OSCP1: variants seen among roughly 807,000 people sequenced by gnomAD.
OSCP1 encodes the protein protein OSCP1.
A neutral mutation model predicts 45.1 loss-of-function variants in OSCP1; 35 were observed. The observed-to-expected ratio is 0.78, with a 90% CI of 0.59 to 1.03. The LOEUF (loss-of-function observed/expected upper bound fraction) is 1.03, where lower values mean the gene tolerates loss of function less well. Ranked by LOEUF, OSCP1 falls within the 50% of genes least tolerant of loss-of-function variation. OSCP1 has a pLI of 0.00. For missense variants in OSCP1, 400 were observed against 470.7 expected (o/e 0.85, Z 1.39); for synonymous variants, 179 against 180.1 (o/e 0.99, Z 0.05).
chr1:36,430,164 T>A (rs574720579), intron 4 of OSCP1, among the ~76,000 whole-genome samples: 1 of 152,066 alleles, frequency 6.6e-6, no homozygotes, highest in Non-Finnish European at 1.5e-5. Flanking sequence ...TACCTCAGCC[T>A]CCCAAATATC....
intron 9 of OSCP1, 73 bp from the exon 10 acceptor site, chr1:36,418,328 C>T (rs1229446181): frequency 7.2e-7 from 1 of 1,397,880 alleles, no homozygotes; most frequent in Non-Finnish European, 1.0e-6. Context: ...GCACTAGGCA[C>T]TTAGTTTTTT....
At chr1:36,427,760 T>C (rs1035941226) in intron 4 of OSCP1, among the ~76,000 whole-genome samples, 1 of 152,220 alleles carries the variant, frequency 6.6e-6, no homozygotes, top group Admixed American at 6.5e-5. Context: ...TATTTCAAAA[T>C]TGTTATTTTA....
chr1:36,427,146 G>A (rs1444521256), intron 4 of OSCP1, among the ~76,000 whole-genome samples: 6 of 151,198 alleles, frequency 4.0e-5, no homozygotes, highest in Admixed American at 2.0e-4. Context: ...GATTACAGGC[G>A]CCCGCCACCA....
At position 36,422,664 on chromosome 1, in the gene OSCP1, C is replaced by T. The variant is rs16822947; in HGVS notation, c.749+104G>A. On this transcript the variant is annotated intron_variant, in intron 6 of 9. Transcript: ENST00000235532. ...CCTAAGGGGAAATTACTCCTATTGT[C>T]GGCAGGGATTTTCATAGCAGAAGTC... is the stretch of plus-strand genomic sequence containing the variant. 16,905 of 1,193,920 alleles carry T rather than the reference C, an allele frequency of 0.014. 1,563 individuals are homozygous for T. The East Asian group carries it at 0.25, about 18-fold the overall frequency. 74.0% of individuals were successfully genotyped at this position (1,193,920 alleles called of 1,614,324 possible).
At chr1:36,445,702 CATTTATTT>C (rs139675900) in intron 1 of OSCP1, among the ~76,000 whole-genome samples, 30 of 152,000 alleles carry the variant, frequency 2.0e-4, no homozygotes, top group African/African-American at 3.1e-4. Flanking sequence ...CTTTCTGTGG[CATTTATTT>C]ATTTATTTAT....
At chr1:36,428,395 C>T (rs757133553) in intron 4 of OSCP1, 3 of 1,614,070 alleles carry the variant, frequency 1.9e-6, no homozygotes, top group Non-Finnish European at 2.5e-6. Flanking sequence ...TTCTCCTGTC[C>T]TCCATATAGT....
chr1:36,434,487 C>T (rs954036840), intron 2 of OSCP1, among the ~76,000 whole-genome samples: 5 of 152,272 alleles, frequency 3.3e-5, no homozygotes, highest in African/African-American at 7.2e-5. Flanking sequence ...CAGTGGCTCA[C>T]GCCTGTTATC....
At chr1:36,441,616 A>G (rs1383801775) in intron 1 of OSCP1, among the ~76,000 whole-genome samples, 1 of 151,558 alleles carries the variant, frequency 6.6e-6, no homozygotes, top group Non-Finnish European at 1.5e-5. Context: ...GCCGGGCGTG[A>G]TGGCGGGCGC....
chr1:36,426,894 C>T (rs61771053), intron 4 of OSCP1, among the ~76,000 whole-genome samples: 28,034 of 151,874 alleles, frequency 0.18, 2,814 homozygotes, highest in East Asian at 0.26. Context: ...TTAGTAGGGA[C>T]GGGGTTTCAC....
At chr1:36,437,771 G>A (rs981756837) in intron 2 of OSCP1, among the ~76,000 whole-genome samples, 18 of 152,088 alleles carry the variant, frequency 1.2e-4, no homozygotes, top group Non-Finnish European at 5.9e-5. Flanking sequence ...CGCCTGTCTC[G>A]GCCTCCCAGT....
At chr1:36,449,356 G>A (rs967202908) in intron 1 of OSCP1, among the ~76,000 whole-genome samples, 5 of 152,110 alleles carry the variant, frequency 3.3e-5, no homozygotes, top group African/African-American at 1.2e-4. Context: ...TTGCATTTTC[G>A]AAGCTCTCAT....
At position 36,426,870 on chromosome 1, in the gene OSCP1, T is replaced by C. The variant is rs186406538; in HGVS notation, c.517-3404A>G. ...ACAGGCATGTGCCACCACACCCAGC[T>C]AATTTTTGTATTCTTAGTAGGGACG... On this transcript the variant is annotated intron_variant, in intron 4 of 9. Coordinates refer to ENST00000235532, the MANE Select transcript of OSCP1 (RefSeq NM_145047.5). 5.0e-4 allele frequency among the ~76,000 whole-genome samples: 76 copies of C among 152,176 alleles called. 1 individual carries two copies. Among genetic ancestry groups the C allele is most frequent in the African/African-American group, 1.8e-3 (76 of 41,522 alleles).
chr1:36,441,450 T>A (rs531408266), intron 1 of OSCP1, among the ~76,000 whole-genome samples: 38 of 152,134 alleles, frequency 2.5e-4, no homozygotes, highest in South Asian at 8.3e-4. Flanking sequence ...ATAGTTTTTT[T>A]AAAAAATTTA....
In OSCP1 at chr1:36,450,442, G is replaced by A; in HGVS notation, c.-73C>T. 7.8e-7 allele frequency: 1 copy of A among 1,278,570 alleles called. No individual in the cohort carries two copies. The highest frequency in any genetic ancestry group is 1.1e-6 in the Non-Finnish European group (1 of 882,798). 79.2% of individuals were successfully genotyped at this position (1,278,570 alleles called of 1,614,324 possible). A position where few individuals can be genotyped will look rare whatever the true frequency, so the allele number is the denominator to read the frequency against. Reference sequence around the variant, plus strand: ...CCAGTGGCCTGAAGGCCAGGCCGCAGCGTCCCAATAGTCCGGTTGCTGGGG... The same window carrying A: ...CCAGTGGCCTGAAGGCCAGGCCGCAACGTCCCAATAGTCCGGTTGCTGGGG... On this transcript the variant is annotated 5_prime_UTR_variant, in exon 1 of 10. Transcript: ENST00000235532.
At position 36,429,935 on chromosome 1, in the gene OSCP1, C is replaced by T. The variant is rs549894982; in HGVS notation, c.516+1867G>A. Among the ~76,000 whole-genome samples the T allele has an allele frequency of 8.6e-5, 13 of 151,692 alleles. No individual in the cohort carries two copies. The South Asian group carries it at 1.9e-3, about 22-fold the overall frequency. ...ACGCGATTCTCCTGCCTTAGTCTCCCGAGTAGCTGGGATTAAAGGCGCCTG... is the reference window on the plus strand; with the variant it reads ...ACGCGATTCTCCTGCCTTAGTCTCCTGAGTAGCTGGGATTAAAGGCGCCTG... On this transcript the variant is annotated intron_variant, in intron 4 of 9. Transcript: ENST00000235532.
In OSCP1 at chr1:36,439,062, C is replaced by T. The variant is rs1648955559; in HGVS notation, c.113-152G>A. ...AGATCAGCTCCCTGAGGGGACCACA[C>T]AGGTGTCCCGGTAGAAAGCAGGGCT... On this transcript the variant is annotated intron_variant, in intron 1 of 9. Transcript: ENST00000235532. 4.3e-6 allele frequency: 3 copies of T among 699,296 alleles called. No individual in the cohort carries two copies. In the African/African-American group the frequency reaches 5.4e-5, roughly 13 times the overall value. The allele number at this position is 699,296 out of a possible 1,614,324, so 43.3% of individuals were successfully genotyped here.
At chr1:36,427,410 G>A (rs572214776) in intron 4 of OSCP1, among the ~76,000 whole-genome samples, 1 of 150,208 alleles carries the variant, frequency 6.7e-6, no homozygotes, top group East Asian at 2.0e-4. Context: ...GAATCCTCCG[G>A]CCTTGGCCTC....
intron 3 of OSCP1, among the ~76,000 whole-genome samples, chr1:36,432,162 C>G (rs886883611): frequency 1.3e-5 from 2 of 152,164 alleles, no homozygotes; most frequent in African/African-American, 4.8e-5. Flanking sequence ...CCACCAAGTC[C>G]CTTTCCGAAA....
At chr1:36,442,250 G>A (rs1034365158) in intron 1 of OSCP1, among the ~76,000 whole-genome samples, 2 of 151,052 alleles carry the variant, frequency 1.3e-5, no homozygotes, top group Non-Finnish European at 2.9e-5. Flanking sequence ...AGGAGGCTAA[G>A]GCAGGGGAGG....
Sources: allele counts gnomAD v4.1 joint callset (sites outside exome capture counted in the v4.1 genomes callset), GRCh38; gene constraint gnomAD v4.1.1; transcripts MANE v1.5; gene names NCBI Gene and HGNC (gene_info 2026-07-23, HGNC 2026-07-21).